The following DOCK1 variants were observed in gnomAD, a reference collection of about 807,000 sequenced individuals.
The protein encoded by DOCK1 is dedicator of cytokinesis 1, also known as dedicator of cytokinesis protein 1.
Under a neutral mutation model 262.7 loss-of-function variants are expected in DOCK1, and 138 were observed. The ratio of observed to expected loss-of-function variants is 0.53; its 90% CI spans 0.46 to 0.61. The LOEUF is 0.61. Among genes scored for constraint, DOCK1 ranks in the 20% least tolerant of loss-of-function variants. The pLI is 0.00. For synonymous variants in DOCK1, 866 were observed against 867.4 expected (o/e 1.00, Z 0.03); for missense variants, 1,908 against 2,370.7 (o/e 0.80, Z 4.05).
chr10:127,006,659 G>T (rs1430411432), intron 10 of DOCK1, among the ~76,000 whole-genome samples: 1 of 152,220 alleles, frequency 6.6e-6, no homozygotes, highest in Non-Finnish European at 1.5e-5. Context: ...CTCAGGATGG[G>T]TGCGGGACTC....
rs375332565 is a variant in DOCK1, at chr10:127,433,260, T to C, written c.4915-23T>C. 1.4e-4 allele frequency: 225 copies of C among 1,610,302 alleles called. 2 individuals carry two copies. The East Asian group carries it at 3.2e-3, about 23-fold the overall frequency. ...AGGCACAGGCATCAAACAAGTCTCCTTCTCTCTCTTTCTCGCTCTCAGCCC... is the reference window on the plus strand; with the variant it reads ...AGGCACAGGCATCAAACAAGTCTCCCTCTCTCTCTTTCTCGCTCTCAGCCC... On this transcript the variant is annotated intron_variant, in intron 47 of 51. Coordinates refer to ENST00000623213, the MANE Select transcript of DOCK1 (RefSeq NM_001290223.2).
At position 127,409,383 on chromosome 10, in the gene DOCK1, G is replaced by T. The variant is rs779179594; in HGVS notation, c.4335G>T (p.Gln1445His). 1 of 1,613,870 alleles carries T rather than the reference G, an allele frequency of 6.2e-7. No individual in the cohort carries two copies. The highest frequency in any genetic ancestry group is 8.5e-7 in the Non-Finnish European group (1 of 1,179,900). ...AGTTTCACAGGCCAGTGTCAGAGCAGATTGTAAGGTAATAATCCCATTTTT... is the reference window on the plus strand; with the variant it reads ...AGTTTCACAGGCCAGTGTCAGAGCATATTGTAAGGTAATAATCCCATTTTT... ...PPKFHRPVSE[Q>H]IVSFYRVNEV... The change falls in exon 42 of 52, where the codon CAG (glutamine) becomes CAT (histidine). Residue 1445 changes from glutamine (Q) to histidine (H), a missense_variant. Transcript: ENST00000623213.
At chr10:126,975,954 T>C (rs2038507783) in intron 2 of DOCK1, among the ~76,000 whole-genome samples, 1 of 152,196 alleles carries the variant, frequency 6.6e-6, no homozygotes. Context: ...TGTCTTTTTG[T>C]GTCTCTGTAT....
chr10:127,079,221 A>G (rs1162805075), intron 23 of DOCK1, among the ~76,000 whole-genome samples: 1 of 152,108 alleles, frequency 6.6e-6, no homozygotes, highest in African/African-American at 2.4e-5. Flanking sequence ...TATTTCTTCC[A>G]TACTCCCGTC....
In DOCK1 at chr10:126,996,535, ATTTTTTTTT is replaced by A. The variant is rs10538924; in HGVS notation, c.474-198_474-190del. Reference sequence around the variant, plus strand: ...ATTGCAATGGAAATAAAAATTGAGGATTTTTTTTTTTTTTTTTTTTTTTACTTCTCCCAA... The same window carrying A: ...ATTGCAATGGAAATAAAAATTGAGGATTTTTTTTTTTTTTACTTCTCCCAA... On this transcript the variant is annotated intron_variant, in intron 6 of 51. Transcript: ENST00000623213. 5.9e-3 allele frequency among the ~76,000 whole-genome samples: 798 copies of A among 136,178 alleles called. 6 individuals carry two copies. Among genetic ancestry groups the A allele is most frequent in the African/African-American group, 0.018 (664 of 36,516 alleles). The allele number at this position is 136,178 out of a possible 152,430, so 89.3% of individuals were successfully genotyped here.
intron 27 of DOCK1, among the ~76,000 whole-genome samples, chr10:127,183,550 C>T (rs912985872): frequency 1.3e-5 from 2 of 152,156 alleles, no homozygotes; most frequent in Non-Finnish European, 2.9e-5. Flanking sequence ...AGAAAATAAC[C>T]TGCACTTGGG....
In DOCK1 at chr10:126,973,233, GTT is replaced by G. The variant is rs11354019; in HGVS notation, c.130+2460_130+2461del. 3.1e-3 allele frequency among the ~76,000 whole-genome samples: 444 copies of G among 144,228 alleles called. 6 individuals are homozygous for G. The highest frequency in any genetic ancestry group is 0.025 in the Admixed American group (361 of 14,460). 94.6% of individuals were successfully genotyped at this position (144,228 alleles called of 152,430 possible). ...TAAGAGGAATGCGTGTGTGGTGGTG[GTT>G]TTTTTTTTTTTGAGATGGAGGCTCG... is the stretch of plus-strand genomic sequence containing the variant. On this transcript the variant is annotated intron_variant, in intron 2 of 51. Coordinates refer to ENST00000623213, the MANE Select transcript of DOCK1 (RefSeq NM_001290223.2).
intron 6 of DOCK1, among the ~76,000 whole-genome samples, chr10:126,994,245 A>G (rs2040006291): frequency 6.6e-6 from 1 of 152,250 alleles, no homozygotes; most frequent in Non-Finnish European, 1.5e-5. Flanking sequence ...GGTAAAAATC[A>G]TCTTACAATT....
intron 1 of DOCK1, among the ~76,000 whole-genome samples, chr10:126,928,095 G>C (rs1444855877): frequency 1.3e-5 from 2 of 152,210 alleles, no homozygotes; most frequent in African/African-American, 4.8e-5. Context: ...GCACATCCTA[G>C]CCTCGTGTCG....
intron 3 of DOCK1, among the ~76,000 whole-genome samples, chr10:126,979,924 G>A (rs1255827230): frequency 6.6e-6 from 1 of 152,158 alleles, no homozygotes; most frequent in South Asian, 2.1e-4. Flanking sequence ...AAACCTGCAG[G>A]TGTGTCCAGC....
chr10:127,316,981 T>C (rs1457836944), intron 29 of DOCK1, among the ~76,000 whole-genome samples: 1 of 152,168 alleles, frequency 6.6e-6, no homozygotes, highest in Non-Finnish European at 1.5e-5. Context: ...AACTGTCCAC[T>C]GTGCCGTCAC....
At chr10:127,331,657 G>A (rs2766063) in intron 29 of DOCK1, among the ~76,000 whole-genome samples, 62,524 of 151,970 alleles carry the variant, frequency 0.41, 13,113 homozygotes, top group East Asian at 0.51. Flanking sequence ...GGAAACTTAG[G>A]ATTTTATTTT....
chr10:127,403,778 C>A (rs2067359366), intron 39 of DOCK1, among the ~76,000 whole-genome samples: 1 of 152,110 alleles, frequency 6.6e-6, no homozygotes, highest in South Asian at 2.1e-4. Flanking sequence ...AAAAACCTGA[C>A]CCCTTCTATG....
At chr10:127,370,241 T>C (rs912336348) in intron 33 of DOCK1, among the ~76,000 whole-genome samples, 1 of 152,196 alleles carries the variant, frequency 6.6e-6, no homozygotes, top group African/African-American at 2.4e-5. Context: ...AAGAGCAGCA[T>C]TGTACTAAGG....
chr10:126,960,723 A>AATATATAT (rs1159655828), intron 1 of DOCK1, among the ~76,000 whole-genome samples: 120 of 134,674 alleles, frequency 8.9e-4, no homozygotes, highest in African/African-American at 3.2e-3. Flanking sequence ...CCTACCCTCA[A>AATATATAT]ATATATATAT....
At chr10:126,949,422 A>G (rs1379400458) in intron 1 of DOCK1, among the ~76,000 whole-genome samples, 1 of 152,100 alleles carries the variant, frequency 6.6e-6, no homozygotes, top group African/African-American at 2.4e-5. Context: ...GGCAGTGAAC[A>G]CACCTACCAA....
At chr10:126,979,629 A>T (rs754947112) in intron 3 of DOCK1, among the ~76,000 whole-genome samples, 1 of 152,122 alleles carries the variant, frequency 6.6e-6, no homozygotes, top group Non-Finnish European at 1.5e-5. Context: ...GTATTTCTGC[A>T]CTACACCTGG....
intron 23 of DOCK1, among the ~76,000 whole-genome samples, chr10:127,083,972 T>C (rs1180269099): frequency 6.6e-6 from 1 of 152,230 alleles, no homozygotes; most frequent in Non-Finnish European, 1.5e-5. Flanking sequence ...ATTTATAATT[T>C]CCCATCTCTT....
chr10:127,227,967 T>A (rs2134518051), intron 27 of DOCK1, among the ~76,000 whole-genome samples: 1 of 152,310 alleles, frequency 6.6e-6, no homozygotes, highest in African/African-American at 2.4e-5. Context: ...AAAGTAGGAC[T>A]TTGAACCTTC....
Sources: allele counts gnomAD v4.1 joint callset (sites outside exome capture counted in the v4.1 genomes callset), GRCh38; gene constraint gnomAD v4.1.1; transcripts MANE v1.5; gene names NCBI Gene and HGNC (gene_info 2026-07-23, HGNC 2026-07-21).